The following NPAS3 variants were observed in gnomAD, a reference collection of about 807,000 sequenced individuals.
NPAS3 encodes the protein neuronal PAS domain-containing protein 3.
Under a neutral mutation model 73.1 loss-of-function variants are expected in NPAS3, and 14 were observed. The observed-to-expected ratio is 0.19, with a 90% CI of 0.13 to 0.30. NPAS3 has a LOEUF of 0.30. Ranked by LOEUF, NPAS3 falls within the 10% of genes least tolerant of loss-of-function variation. The probability of loss-of-function intolerance (pLI) is 1.00; values close to 1 mark genes in which losing one functional copy is unlikely to be tolerated. For synonymous variants in NPAS3, 620 were observed against 541.5 expected (o/e 1.14, Z -2.01); for missense variants, 1,096 against 1,250.0 (o/e 0.88, Z 1.86).
At chr14:33,374,512 G>A (rs548603506) in intron 4 of NPAS3, among the ~76,000 whole-genome samples, 7 of 151,678 alleles carry the variant, frequency 4.6e-5, no homozygotes, top group Admixed American at 1.3e-4. Flanking sequence ...TCAGGTTGAT[G>A]TAATAAAGAA....
intron 2 of NPAS3, among the ~76,000 whole-genome samples, chr14:33,199,636 T>C (rs1453286686): frequency 1.8e-5 from 2 of 114,134 alleles, no homozygotes; most frequent in Non-Finnish European, 4.8e-5. Flanking sequence ...GTTTCTTTCC[T>C]CCTTACCTTC....
chr14:33,376,115 C>T (rs186907678), intron 4 of NPAS3, among the ~76,000 whole-genome samples: 2,719 of 152,224 alleles, frequency 0.018, 57 homozygotes, highest in African/African-American at 0.054. Context: ...AACAGACACA[C>T]AGGATCAAAC....
chr14:32,945,934 A>C (rs1483293043), intron 1 of NPAS3, among the ~76,000 whole-genome samples: 4 of 152,164 alleles, frequency 2.6e-5, no homozygotes, highest in Non-Finnish European at 5.9e-5. Context: ...CAGCATATGA[A>C]GTTCTCAAGG....
intron 4 of NPAS3, among the ~76,000 whole-genome samples, chr14:33,496,895 A>G (rs1029903160): frequency 6.6e-6 from 1 of 152,202 alleles, no homozygotes; most frequent in Non-Finnish European, 1.5e-5. Context: ...CAATAGGAAG[A>G]GAGGAAGTCA....
chr14:33,322,423 C>A (rs2043491760), intron 3 of NPAS3, among the ~76,000 whole-genome samples: 1 of 150,860 alleles, frequency 6.6e-6, no homozygotes. Context: ...CATTCCTGAG[C>A]AATTACGTTT....
intron 9 of NPAS3, among the ~76,000 whole-genome samples, chr14:33,791,512 A>C (rs937109803): frequency 6.6e-5 from 10 of 152,222 alleles, no homozygotes; most frequent in Non-Finnish European, 1.3e-4. Context: ...AAAAGATGAC[A>C]CCATACGGTC....
intron 5 of NPAS3, among the ~76,000 whole-genome samples, chr14:33,662,857 AATGGGGTTTTCC>A (rs1427162710): frequency 3.9e-4 from 58 of 147,448 alleles, no homozygotes; most frequent in Middle Eastern, 7.2e-3. Context: ...GGGCTGAGAC[AATGGGGTTTTCC>A]TTTTTTTTTT....
chr14:33,220,587 T>C (rs893436570), intron 3 of NPAS3, among the ~76,000 whole-genome samples: 1 of 152,210 alleles, frequency 6.6e-6, no homozygotes, highest in Non-Finnish European at 1.5e-5. Flanking sequence ...CCAAGGACTA[T>C]CATCTTTGAC....
intron 1 of NPAS3, among the ~76,000 whole-genome samples, chr14:33,018,797 AT>A (rs2039486168): frequency 6.6e-6 from 1 of 152,182 alleles, no homozygotes; most frequent in African/African-American, 2.4e-5. Flanking sequence ...ATTGTAAGAC[AT>A]TTCTTCCCTT....
intron 4 of NPAS3, among the ~76,000 whole-genome samples, chr14:33,377,607 G>A (rs947709842): frequency 1.3e-5 from 2 of 152,150 alleles, no homozygotes; most frequent in Admixed American, 6.5e-5. Flanking sequence ...ACGTATCCAC[G>A]GGGATTTTTG....
chr14:33,734,093 T>C (rs2061465427), intron 6 of NPAS3, among the ~76,000 whole-genome samples: 1 of 152,222 alleles, frequency 6.6e-6, no homozygotes, highest in Non-Finnish European at 1.5e-5. Context: ...TTTTCACATA[T>C]ACTTAATTCT....
At chr14:33,531,287 A>C (rs1301548060) in intron 4 of NPAS3, among the ~76,000 whole-genome samples, 1 of 152,080 alleles carries the variant, frequency 6.6e-6, no homozygotes, top group Non-Finnish European at 1.5e-5. Context: ...AATTAATGTA[A>C]CCACCCATCA....
At chr14:33,742,307 A>G (rs980783892) in intron 7 of NPAS3, among the ~76,000 whole-genome samples, 18 of 152,176 alleles carry the variant, frequency 1.2e-4, no homozygotes, top group African/African-American at 4.3e-4. Context: ...CTTTACAGAA[A>G]TCGAAGGTTT....
intron 1 of NPAS3, among the ~76,000 whole-genome samples, chr14:33,032,784 T>A (rs1360430232): frequency 6.6e-6 from 1 of 152,226 alleles, no homozygotes; most frequent in Non-Finnish European, 1.5e-5. Flanking sequence ...AGTGCTTCTG[T>A]TATTTCCAAA....
intron 7 of NPAS3, among the ~76,000 whole-genome samples, chr14:33,760,758 C>A (rs1176627097): frequency 6.6e-6 from 1 of 151,826 alleles, no homozygotes; most frequent in Non-Finnish European, 1.5e-5. Context: ...CAGTTTCATA[C>A]TTACTTGGCA....
intron 5 of NPAS3, among the ~76,000 whole-genome samples, chr14:33,650,418 C>A (rs117935156): frequency 6.6e-6 from 1 of 152,084 alleles, no homozygotes; most frequent in Admixed American, 6.6e-5. Flanking sequence ...ACATCCCTCA[C>A]CCCAATTGAA....
intron 6 of NPAS3, among the ~76,000 whole-genome samples, chr14:33,728,012 G>A (rs150404933): frequency 3.9e-5 from 6 of 152,176 alleles, no homozygotes; most frequent in Admixed American, 6.5e-5. Flanking sequence ...GAACTTTCCC[G>A]TTGCTTAGTA....
intron 3 of NPAS3, among the ~76,000 whole-genome samples, chr14:33,304,830 C>T (rs1438998202): frequency 6.6e-6 from 1 of 151,860 alleles, no homozygotes; most frequent in Non-Finnish European, 1.5e-5. Context: ...ACAAATATTC[C>T]AAGGGTTGGT....
chr14:33,746,529 T>C (rs1477733329), intron 7 of NPAS3, among the ~76,000 whole-genome samples: 3 of 151,560 alleles, frequency 2.0e-5, no homozygotes, highest in African/African-American at 7.3e-5. Flanking sequence ...ATGTATTTAT[T>C]AATAAACTTA....
Sources: gnomAD v4.1 joint callset for allele counts (sites outside exome capture counted in the v4.1 genomes callset) on GRCh38, gnomAD v4.1.1 for gene constraint, MANE v1.5 for transcripts, NCBI Gene and HGNC (gene_info 2026-07-23, HGNC 2026-07-21) for gene names.